Variants in SAMMSON observed in about 807,000 individuals in gnomAD.
The protein encoded by SAMMSON is long intergenic non-protein coding RNA 1212.
chr3:70,348,216 AAAGGCTTG>A (rs1702766786), intron 7 of SAMMSON, among the ~76,000 whole-genome samples: 1 of 152,192 alleles, frequency 6.6e-6, no homozygotes, highest in African/African-American at 2.4e-5. Context: ...ACACTTGCAG[AAAGGCTTG>A]AATAAGAAAT....
chr3:70,381,057 C>T (rs1442575826), intron 9 of SAMMSON, among the ~76,000 whole-genome samples: 1 of 151,960 alleles, frequency 6.6e-6, no homozygotes, highest in African/African-American at 2.4e-5. Context: ...GGGTATATAC[C>T]CAGTAATGAG....
intron 3 of SAMMSON, among the ~76,000 whole-genome samples, chr3:70,058,336 T>C (rs1255088949): frequency 6.6e-6 from 1 of 151,972 alleles, no homozygotes; most frequent in Non-Finnish European, 1.5e-5. Context: ...AACCTGCAGT[T>C]AAAAGTTTGT....
intron 4 of SAMMSON, among the ~76,000 whole-genome samples, chr3:70,169,493 T>C (rs930384058): frequency 5.3e-5 from 8 of 152,128 alleles, no homozygotes; most frequent in South Asian, 4.1e-4. Context: ...ACTAGAGACA[T>C]GTCTATGAAA....
chr3:70,324,017 C>A (rs1210543227), intron 7 of SAMMSON, among the ~76,000 whole-genome samples: 1 of 152,052 alleles, frequency 6.6e-6, no homozygotes, highest in African/African-American at 2.4e-5. Context: ...TACATTCATT[C>A]GTCCCTTCCT....
chr3:70,381,342 A>G (rs534767079), intron 9 of SAMMSON, among the ~76,000 whole-genome samples: 5 of 152,216 alleles, frequency 3.3e-5, no homozygotes, highest in African/African-American at 1.2e-4. Context: ...AAAAATTGCC[A>G]TTTTGCAATC....
At chr3:70,223,071 A>G (rs1701474588) in intron 4 of SAMMSON, among the ~76,000 whole-genome samples, 1 of 152,282 alleles carries the variant, frequency 6.6e-6, no homozygotes, top group Non-Finnish European at 1.5e-5. Context: ...TTAAACAAAG[A>G]GTGATGGAAA....
chr3:70,433,409 A>G (rs961032984), intron 2 of SAMMSON, among the ~76,000 whole-genome samples: 1 of 152,142 alleles, frequency 6.6e-6, no homozygotes, highest in Admixed American at 6.6e-5. Context: ...ATAGTATTCA[A>G]TGGTGAGTAA....
At chr3:70,192,651 C>A (rs1283673517) in intron 4 of SAMMSON, among the ~76,000 whole-genome samples, 4 of 152,172 alleles carry the variant, frequency 2.6e-5, no homozygotes, top group African/African-American at 9.7e-5. Flanking sequence ...GTCTTTAGAA[C>A]TAGCGTTGCC....
intron 9 of SAMMSON, among the ~76,000 whole-genome samples, chr3:70,384,568 G>T (rs1703104671): frequency 6.6e-6 from 1 of 151,912 alleles, no homozygotes; most frequent in Non-Finnish European, 1.5e-5. Flanking sequence ...AGGGCTTGAG[G>T]CAAATTATTG....
At chr3:70,289,236 C>A (rs1702201798) in intron 6 of SAMMSON, among the ~76,000 whole-genome samples, 1 of 149,792 alleles carries the variant, frequency 6.7e-6, no homozygotes, top group African/African-American at 2.5e-5. Flanking sequence ...CCTTCAGGAG[C>A]TCTTTTAGGG....
intron 4 of SAMMSON, among the ~76,000 whole-genome samples, chr3:70,232,383 G>A (rs1701567463): frequency 6.6e-6 from 1 of 151,466 alleles, no homozygotes. Flanking sequence ...TCATGTGGCT[G>A]GACACAATGA....
chr3:70,098,254 C>T (rs2067329886), intron 4 of SAMMSON, among the ~76,000 whole-genome samples: 1 of 152,198 alleles, frequency 6.6e-6, no homozygotes, highest in Non-Finnish European at 1.5e-5. Context: ...GTCGTTTCAT[C>T]AATGGCAGGA....
At chr3:70,064,852 G>C (rs1263458261) in intron 3 of SAMMSON, among the ~76,000 whole-genome samples, 1 of 152,076 alleles carries the variant, frequency 6.6e-6, no homozygotes, top group Non-Finnish European at 1.5e-5. Context: ...CATGGCGTGT[G>C]TACAGTGTGT....
chr3:70,021,925 T>G (rs981618595), intron 3 of SAMMSON, among the ~76,000 whole-genome samples: 2 of 152,134 alleles, frequency 1.3e-5, no homozygotes, highest in African/African-American at 4.8e-5. Context: ...CTATGAAATC[T>G]TCATCAACAT....
At chr3:70,311,651 A>T (rs1017055244) in intron 7 of SAMMSON, among the ~76,000 whole-genome samples, 1 of 152,212 alleles carries the variant, frequency 6.6e-6, no homozygotes, top group Non-Finnish European at 1.5e-5. Flanking sequence ...TCTTACCAAC[A>T]AAGTAATCTA....
intron 3 of SAMMSON, among the ~76,000 whole-genome samples, chr3:70,055,636 T>C (rs925727659): frequency 6.6e-6 from 1 of 152,162 alleles, no homozygotes; most frequent in Non-Finnish European, 1.5e-5. Context: ...TCAGAGGCTT[T>C]CCGTTGAACT....
At chr3:70,179,416 G>C (rs1157050384) in intron 4 of SAMMSON, among the ~76,000 whole-genome samples, 1 of 152,212 alleles carries the variant, frequency 6.6e-6, no homozygotes, top group Non-Finnish European at 1.5e-5. Flanking sequence ...ACCTAAGACA[G>C]ACAGGAGCAG....
At chr3:70,385,968 G>T (rs1022327228) in intron 9 of SAMMSON, among the ~76,000 whole-genome samples, 5 of 151,974 alleles carry the variant, frequency 3.3e-5, no homozygotes, top group Admixed American at 3.3e-4. Flanking sequence ...GCAATGTACT[G>T]CCCAGGACAA....
At chr3:70,004,998 A>C (rs1319864792) in intron 1 of SAMMSON, among the ~76,000 whole-genome samples, 1 of 152,228 alleles carries the variant, frequency 6.6e-6, no homozygotes, top group African/African-American at 2.4e-5. Flanking sequence ...ACTGAGTGGC[A>C]GAGCCCGGGC....
Sources: allele counts gnomAD v4.1 joint callset (sites outside exome capture counted in the v4.1 genomes callset), GRCh38; gene constraint gnomAD v4.1.1; transcripts MANE v1.5; gene names NCBI Gene and HGNC (gene_info 2026-07-23, HGNC 2026-07-21).